The following CPAMD8 variants were observed in gnomAD, a reference collection of about 807,000 sequenced individuals.
CPAMD8 encodes C3 and PZP like alpha-2-macroglobulin domain containing 8.
A neutral mutation model predicts 224.7 loss-of-function variants in CPAMD8; 146 were observed. The observed-to-expected ratio is 0.65, with a 90% CI of 0.57 to 0.75. CPAMD8 has a LOEUF of 0.75. Among genes scored for constraint, CPAMD8 ranks in the 30% least tolerant of loss-of-function variants. The pLI is 0.00. For missense variants in CPAMD8, 2,301 were observed against 2,537.5 expected, an observed-to-expected ratio of 0.91 and a Z score of 2.00; for synonymous variants, 966 against 1,044.6, an observed-to-expected ratio of 0.92 and a Z score of 1.45.
At chr19:16,948,984 AAAAG>A (rs1480915096) in intron 20 of CPAMD8, among the ~76,000 whole-genome samples, 34 of 139,852 alleles carry the variant, frequency 2.4e-4, no homozygotes, top group African/African-American at 3.7e-4. Flanking sequence ...AGGGAGAAAG[AAAAG>A]AAAGAAAGAG....
intron 3 of CPAMD8, among the ~76,000 whole-genome samples, chr19:17,019,967 TTTTC>T (rs1434987054): frequency 2.7e-5 from 4 of 146,248 alleles, no homozygotes; most frequent in Non-Finnish European, 6.0e-5. Flanking sequence ...TTTTTTTTTC[TTTTC>T]TTTTTTTTTT....
In CPAMD8 at chr19:16,896,133, T is replaced by C. The variant is rs374726997; in HGVS notation, c.5426+43A>G. 2.2e-5 allele frequency: 36 copies of C among 1,607,596 alleles called. No homozygotes were observed. In the Admixed American group the frequency reaches 2.3e-4, roughly 10 times the overall value. ...GGTAGGGGAGGGAGGTGGGGAGATA[T>C]TGAGCCTATGTCTCTTATCTCTGGG... is the stretch of plus-strand genomic sequence containing the variant. On this transcript the variant is annotated intron_variant, in intron 41 of 41. Transcript: ENST00000443236.
chr19:16,946,134 T>C (rs2054069896), intron 21 of CPAMD8, among the ~76,000 whole-genome samples: 1 of 152,008 alleles, frequency 6.6e-6, no homozygotes, highest in South Asian at 2.1e-4. Context: ...GGTTCGTGTG[T>C]GCAATGCATA....
At chr19:17,012,209 G>A (rs549805713) in intron 3 of CPAMD8, among the ~76,000 whole-genome samples, 1 of 152,244 alleles carries the variant, frequency 6.6e-6, no homozygotes, top group Admixed American at 6.5e-5. Flanking sequence ...AGTAGAAACG[G>A]GGTTTCACCA....
At position 16,903,735 on chromosome 19, in the gene CPAMD8, G is replaced by A. The variant is rs773386950; in HGVS notation, c.4374C>T (p.His1458=). 10 of 1,614,190 alleles carry A rather than the reference G, an allele frequency of 6.2e-6. No individual in the cohort carries two copies. The South Asian group carries it at 1.1e-4, about 18-fold the overall frequency. ...NLDYQETFEL[H]RTNQKVLQTA... is the part of the protein sequence containing the mutation. Reference sequence around the variant, plus strand: ...TCTGCAGAACCTTCTGGTTGGTCCTGTGCAGCTCGAAGGTTTCCTGGTAGT... The same window carrying A: ...TCTGCAGAACCTTCTGGTTGGTCCTATGCAGCTCGAAGGTTTCCTGGTAGT... Residue 1458 remains histidine (H), a synonymous_variant, in exon 33 of 42, where the codon CAC becomes CAT. Coordinates refer to ENST00000443236, the MANE Select transcript of CPAMD8 (RefSeq NM_015692.5).
chr19:16,914,699 G>A lies in CPAMD8; in HGVS notation c.3744C>T (p.Gly1248=), dbSNP rs375765750. The change falls in exon 28 of 42, where the codon GGC becomes GGT. Residue 1248 remains glycine (G), a synonymous_variant. Transcript: ENST00000443236. ...GGACCCTGCCCACGGCCAGGAAGGAGCCATCGGCCTGCTGCTGCTGGATGA... is the reference window on the plus strand; with the variant it reads ...GGACCCTGCCCACGGCCAGGAAGGAACCATCGGCCTGCTGCTGCTGGATGA... ...SWIIQQQQAD[G]SFLAVGRVLN... is the part of the protein sequence containing the mutation. The A allele has an allele frequency of 4.0e-5, 65 of 1,614,118 alleles. No individual in the cohort carries two copies. Among genetic ancestry groups the A allele is most frequent in the Non-Finnish European group, 5.2e-5 (61 of 1,179,972 alleles).
At position 16,918,442 on chromosome 19, in the gene CPAMD8, C is replaced by T. The variant is rs2361618; in HGVS notation, c.3629+3463G>A. 4.3e-4 allele frequency among the ~76,000 whole-genome samples: 17 copies of T among 39,370 alleles called. 1 individual carries two copies. Among genetic ancestry groups the T allele is most frequent in the South Asian group, 1.1e-3 (1 of 946 alleles). 25.8% of individuals were successfully genotyped at this position (39,370 alleles called of 152,430 possible). On this transcript the variant is annotated intron_variant, in intron 27 of 41. Transcript: ENST00000443236. ...TTGGAACTTTGTGGAATTTTTAAAA[C>T]TTTTTTTTTTTTTTTTTTTTTAAGA... is the stretch of plus-strand genomic sequence containing the variant.
At chr19:17,000,610 G>A in intron 9 of CPAMD8, 88 bp from the exon 10 acceptor site, 1 of 685,992 alleles carries the variant, frequency 1.5e-6, no homozygotes, top group Non-Finnish European at 2.7e-6. Context: ...GACATAGTGT[G>A]GCCACTAGTA....
intron 10 of CPAMD8, among the ~76,000 whole-genome samples, chr19:16,998,882 G>A (rs1315638328): frequency 1.3e-5 from 2 of 152,150 alleles, no homozygotes; most frequent in Non-Finnish European, 2.9e-5. Flanking sequence ...GCACAGGGAT[G>A]TTCATAGTAG....
chr19:16,979,604 GTCCA>G (rs55931208), intron 14 of CPAMD8, among the ~76,000 whole-genome samples: 4 of 149,324 alleles, frequency 2.7e-5, no homozygotes, highest in African/African-American at 9.9e-5. Context: ...TGTTCTATCA[GTCCA>G]TCCATCCATC....
chr19:17,017,317 C>T (rs2056838466), intron 3 of CPAMD8, among the ~76,000 whole-genome samples: 1 of 152,064 alleles, frequency 6.6e-6, no homozygotes, highest in African/African-American at 2.4e-5. Context: ...ATCATTATTT[C>T]GTTATATATT....
At chr19:16,901,603 C>T (rs973660261) in intron 35 of CPAMD8, among the ~76,000 whole-genome samples, 1 of 152,164 alleles carries the variant, frequency 6.6e-6, no homozygotes, top group South Asian at 2.1e-4. Flanking sequence ...AAGCAGCTGG[C>T]GACCCCACTC....
Position 17,011,499 on chromosome 19 carries a change from T to C in CPAMD8, c.451A>G (p.Thr151Ala), listed in dbSNP as rs200785414. The change falls in exon 5 of 42, where the codon ACC becomes GCC. Residue 151 changes from threonine (T) to alanine (A), a missense_variant. By Grantham distance (58) the Thr-to-Ala change is moderately conservative. Transcript: ENST00000443236. ...ACAGGCCTCAGATTTGGAGAGACGG[T>C]GAAGATGCTTATGAGCACTAGAAGA... ...PQHRVLISIF[T>A]VSPNLRPVNE... 1,546 of 1,614,124 alleles carry C rather than the reference T, an allele frequency of 9.6e-4. 2 individuals are homozygous for C. The highest frequency in any genetic ancestry group is 1.2e-3 in the Non-Finnish European group (1,444 of 1,180,026).
At chr19:16,976,799 C>T (rs1315157943) in intron 15 of CPAMD8, among the ~76,000 whole-genome samples, 2 of 151,066 alleles carry the variant, frequency 1.3e-5, no homozygotes, top group South Asian at 2.1e-4. Context: ...CCCAGCACTT[C>T]GGGAGGCTGA....
intron 19 of CPAMD8, among the ~76,000 whole-genome samples, chr19:16,952,862 G>T (rs1037746657): frequency 9.9e-5 from 15 of 151,934 alleles, no homozygotes; most frequent in Non-Finnish European, 1.9e-4. Context: ...ATTTTATTTT[G>T]CAGAAATAGA....
At chr19:17,021,367 T>C (rs2056952374) in intron 2 of CPAMD8, among the ~76,000 whole-genome samples, 1 of 152,146 alleles carries the variant, frequency 6.6e-6, no homozygotes, top group South Asian at 2.1e-4. Context: ...TCTAGAAGCT[T>C]CCACATTTCC....
At chr19:17,021,946 A>G (rs968934585) in intron 2 of CPAMD8, 84 bp downstream of exon 2, 16 of 1,139,684 alleles carry the variant, frequency 1.4e-5, no homozygotes, top group Non-Finnish European at 1.6e-5. Context: ...AGCAACACCC[A>G]CACTGCCCCA....
At chr19:16,919,041 A>T (rs539102829) in intron 27 of CPAMD8, among the ~76,000 whole-genome samples, 2 of 151,966 alleles carry the variant, frequency 1.3e-5, no homozygotes, top group South Asian at 4.2e-4. Context: ...TGTCTCTATT[A>T]AAAATACAAA....
Position 16,901,236 on chromosome 19 carries a change from G to A in CPAMD8, c.4747C>T (p.Arg1583Trp), listed in dbSNP as rs201395525. Residue 1583 changes from arginine to tryptophan, a missense_variant, in exon 36 of 42, where the codon CGG becomes TGG. Arg to Trp is a moderately radical substitution (Grantham distance 101, BLOSUM62 -3). Around this residue, in one of 4 missense-constraint regions of CPAMD8, gnomAD observed 1,709 missense variants for 1,753.2 expected, o/e 0.97. Transcript: ENST00000443236. ...TGCTCCAGGCTCTCGATGTCTGCCC[G>A]GAAGCCTGACAGCAGGGGCACCTCC... ...VLEVPLLSGF[R>W]ADIESLEQLL... is the part of the protein sequence containing the mutation. 34 of 1,611,990 alleles carry A rather than the reference G, an allele frequency of 2.1e-5. No homozygotes were observed. Among genetic ancestry groups the A allele is most frequent in the African/African-American group, 1.5e-4 (11 of 74,998 alleles).
Sources: gnomAD v4.1 joint callset for allele counts (sites outside exome capture counted in the v4.1 genomes callset) on GRCh38, gnomAD v4.1.1 for gene constraint, gnomAD v4.1.1 regional missense constraint, MANE v1.5 for transcripts, NCBI Gene and HGNC (gene_info 2026-07-23, HGNC 2026-07-21) for gene names.